MAGI1: variants seen among roughly 807,000 people sequenced by gnomAD.
The protein encoded by MAGI1 is membrane-associated guanylate kinase, WW and PDZ domain-containing protein 1.
In MAGI1, 58 loss-of-function variants were observed where a neutral mutation model predicts 139.9. The ratio of observed to expected loss-of-function variants is 0.41; its 90% CI spans 0.34 to 0.52. The LOEUF (loss-of-function observed/expected upper bound fraction) is 0.52, where lower values mean the gene tolerates loss of function less well. Among genes scored for constraint, MAGI1 ranks in the 20% least tolerant of loss-of-function variants. MAGI1 has a pLI of 0.12. For synonymous variants in MAGI1, 812 were observed against 737.9 expected (o/e 1.10, Z -1.63); for missense variants, 1,874 against 1,901.6 (o/e 0.99, Z 0.27).
chr3:65,915,118 T>G (rs895902027), intron 1 of MAGI1, among the ~76,000 whole-genome samples: 7 of 152,182 alleles, frequency 4.6e-5, no homozygotes, highest in African/African-American at 1.7e-4. Flanking sequence ...GATCAGTCCC[T>G]TGCAAGAAAC....
Position 65,376,501 on chromosome 3 carries a change from C to A in MAGI1, c.2996-556G>T, listed in dbSNP as rs544823989. On this transcript the variant is annotated intron_variant, in intron 17 of 22. Coordinates refer to ENST00000402939, the MANE Select transcript of MAGI1 (RefSeq NM_001033057.2). ...TCTGAAAACACCTGATGAACAAACA[C>A]TCAGACTTTCTGCCTTCTCCCCAGA... is the stretch of plus-strand genomic sequence containing the variant. Among the ~76,000 whole-genome samples, 10 of 152,334 alleles carry A rather than the reference C, an allele frequency of 6.6e-5. No homozygotes were observed. The South Asian group carries it at 2.1e-3, about 32-fold the overall frequency.
At chr3:65,584,672 A>C (rs2081592870) in intron 2 of MAGI1, among the ~76,000 whole-genome samples, 1 of 152,246 alleles carries the variant, frequency 6.6e-6, no homozygotes, top group South Asian at 2.1e-4. Flanking sequence ...TGTGTGGTAC[A>C]AAGATTATCA....
intron 1 of MAGI1, among the ~76,000 whole-genome samples, chr3:65,921,373 A>G (rs972557373): frequency 6.6e-5 from 10 of 151,726 alleles, no homozygotes; most frequent in African/African-American, 2.4e-4. Context: ...AGGGGGCACA[A>G]TCTCAGCTTA....
At chr3:65,950,086 A>AC (rs2063747713) in intron 1 of MAGI1, among the ~76,000 whole-genome samples, 2 of 76,064 alleles carry the variant, frequency 2.6e-5, no homozygotes, top group African/African-American at 4.6e-5. Context: ...AACAAAAAAA[A>AC]AAACAAACAA....
intron 2 of MAGI1, among the ~76,000 whole-genome samples, chr3:65,515,159 T>G (rs2107773530): frequency 1.2e-5 from 1 of 80,638 alleles, no homozygotes; most frequent in African/African-American, 5.1e-5. Context: ...GGGACTGTGG[T>G]GGGGTGGGGG....
At chr3:65,847,124 C>T (rs1381509952) in intron 1 of MAGI1, among the ~76,000 whole-genome samples, 2 of 152,086 alleles carry the variant, frequency 1.3e-5, no homozygotes, top group East Asian at 3.9e-4. Context: ...AAAGCAACAG[C>T]TGATCACTAG....
At chr3:65,727,239 C>A (rs1039694206) in intron 1 of MAGI1, among the ~76,000 whole-genome samples, 3 of 152,258 alleles carry the variant, frequency 2.0e-5, no homozygotes, top group South Asian at 4.1e-4. Context: ...TCTGACAGCA[C>A]ACTTATTTAA....
At chr3:65,508,124 C>A (rs986903555) in intron 2 of MAGI1, among the ~76,000 whole-genome samples, 8 of 152,172 alleles carry the variant, frequency 5.3e-5, no homozygotes, top group Non-Finnish European at 7.4e-5. Flanking sequence ...ATAAAATCGG[C>A]CGGGCGCGGT....
rs565869585 is a variant in MAGI1 at position 65,817,440 on chromosome 3, T to C, written c.314-195352A>G. On this transcript the variant is annotated intron_variant, in intron 1 of 22. Transcript: ENST00000402939. ...CATCATTTATGGCTCTACATTTGCC[T>C]TTATACGCAGTAATACTAAAACCCA... 2.6e-5 allele frequency among the ~76,000 whole-genome samples: 4 copies of C among 152,316 alleles called. No individual in the cohort carries two copies. In the East Asian group the frequency reaches 7.7e-4, roughly 29 times the overall value.
chr3:65,894,770 A>G (rs897176166), intron 1 of MAGI1, among the ~76,000 whole-genome samples: 1 of 152,338 alleles, frequency 6.6e-6, no homozygotes, highest in Non-Finnish European at 1.5e-5. Context: ...CTAAAAGGGG[A>G]GTTATCACTC....
intron 22 of MAGI1, among the ~76,000 whole-genome samples, chr3:65,358,417 A>G (rs1940438432): frequency 6.6e-6 from 1 of 152,130 alleles, no homozygotes. Flanking sequence ...TTAGCAATTA[A>G]CCTGTTTCAT....
chr3:65,883,769 G>A (rs958806768), intron 1 of MAGI1, among the ~76,000 whole-genome samples: 1 of 152,164 alleles, frequency 6.6e-6, no homozygotes, highest in Admixed American at 6.5e-5. Flanking sequence ...CAGACAGAGG[G>A]AGAAACAATG....
chr3:65,430,650 G>A, intron 11 of MAGI1, 49 bp downstream of exon 11: 1 of 1,571,462 alleles, frequency 6.4e-7, no homozygotes, highest in Non-Finnish European at 8.7e-7. Flanking sequence ...TTTATCTCCT[G>A]GATTGGAGTC....
chr3:65,704,089 G>T (rs2089796914), intron 1 of MAGI1, among the ~76,000 whole-genome samples: 1 of 152,100 alleles, frequency 6.6e-6, no homozygotes, highest in South Asian at 2.1e-4. Context: ...GGGAAAGAAG[G>T]CAGGGCATCA....
chr3:65,926,327 T>TTCTCTTTCTCTC (rs1553731213), intron 1 of MAGI1, among the ~76,000 whole-genome samples: 20 of 115,662 alleles, frequency 1.7e-4, no homozygotes, highest in South Asian at 1.1e-3. Context: ...AAGTCTTCTT[T>TTCTCTTTCTCTC]TCTCTCTCTC....
chr3:65,411,040 C>T (rs545965740), intron 12 of MAGI1, among the ~76,000 whole-genome samples: 11 of 152,044 alleles, frequency 7.2e-5, no homozygotes, highest in Admixed American at 6.6e-4. Context: ...GAAAAAGAAC[C>T]GTTAACTTAA....
intron 18 of MAGI1, among the ~76,000 whole-genome samples, chr3:65,374,501 A>C (rs1221484613): frequency 6.6e-6 from 1 of 152,026 alleles, no homozygotes; most frequent in East Asian, 1.9e-4. Flanking sequence ...TATTTTTAGT[A>C]GAGATGGGGT....
chr3:65,844,162 G>C (rs148494563), intron 1 of MAGI1: 155 of 519,316 alleles, frequency 3.0e-4, no homozygotes, highest in African/African-American at 2.8e-3. Flanking sequence ...CTAAATTTTT[G>C]CTGCACATGT....
chr3:65,824,205 A>C (rs2108266524), intron 1 of MAGI1, among the ~76,000 whole-genome samples: 1 of 152,336 alleles, frequency 6.6e-6, no homozygotes, highest in African/African-American at 2.4e-5. Flanking sequence ...TGAATTTGGA[A>C]CTTGACATAA....
Sources: allele counts gnomAD v4.1 joint callset (sites outside exome capture counted in the v4.1 genomes callset), GRCh38; gene constraint gnomAD v4.1.1; transcripts MANE v1.5; gene names NCBI Gene and HGNC (gene_info 2026-07-23, HGNC 2026-07-21).